NUBPL: variants seen among roughly 807,000 people sequenced by gnomAD.
The protein encoded by NUBPL is iron-sulfur cluster transfer protein NUBPL.
A neutral mutation model predicts 45.7 loss-of-function variants in NUBPL; 31 were observed. The observed-to-expected ratio is 0.68, with a 90% CI of 0.51 to 0.92. The LOEUF (loss-of-function observed/expected upper bound fraction) is 0.92, where lower values mean the gene tolerates loss of function less well. NUBPL is among the 40% of genes least tolerant of loss of function. The pLI, the probability that NUBPL is intolerant of heterozygous loss-of-function variation, is 0.00. For missense variants in NUBPL, 401 were observed against 398.7 expected, an observed-to-expected ratio of 1.01 and a Z score of -0.05; for synonymous variants, 144 against 140.9, an observed-to-expected ratio of 1.02 and a Z score of -0.15.
Position 31,815,188 on chromosome 14 carries a change from A to T in NUBPL, c.608-11441A>T, listed in dbSNP as rs191469194. On this transcript the variant is annotated intron_variant, in intron 7 of 10. Transcript: ENST00000281081. ...TCATGAACATGGAATTTTTTTTTCCATTTTTTTGTGTCCTCTCTTATTTTC... is the reference window on the plus strand; with the variant it reads ...TCATGAACATGGAATTTTTTTTTCCTTTTTTTTGTGTCCTCTCTTATTTTC... 2.7e-3 allele frequency among the ~76,000 whole-genome samples: 416 copies of T among 151,604 alleles called. 1 individual carries two copies. The highest frequency in any genetic ancestry group is 9.6e-3 in the African/African-American group (396 of 41,376).
chr14:31,673,314 T>A (rs1459132754), intron 4 of NUBPL, 41 bp from the exon 5 acceptor site: 1 of 1,509,672 alleles, frequency 6.6e-7, no homozygotes, highest in African/African-American at 1.5e-5. Context: ...TTATGTGTTG[T>A]GTTTTATTGT....
At chr14:31,835,094 A>G (rs1288542475) in intron 8 of NUBPL, among the ~76,000 whole-genome samples, 1 of 152,174 alleles carries the variant, frequency 6.6e-6, no homozygotes, top group African/African-American at 2.4e-5. Context: ...GTTGACAGTT[A>G]AGGAGGTATC....
chr14:31,844,493 A>G (rs1566594950), intron 8 of NUBPL: 2 of 152,190 alleles, frequency 1.3e-5, no homozygotes, highest in African/African-American at 2.4e-5. Context: ...AGCGTGATTT[A>G]TTTTTTGTGA....
At chr14:31,717,288 C>T (rs1338456853) in intron 6 of NUBPL, among the ~76,000 whole-genome samples, 2 of 152,202 alleles carry the variant, frequency 1.3e-5, no homozygotes, top group Non-Finnish European at 2.9e-5. Flanking sequence ...TCTTAACTAA[C>T]TCCATCTTAT....
chr14:31,785,436 G>A (rs1422069529), intron 6 of NUBPL, among the ~76,000 whole-genome samples: 1 of 152,092 alleles, frequency 6.6e-6, no homozygotes, highest in Non-Finnish European at 1.5e-5. Flanking sequence ...ATATGAGCAC[G>A]GACCCTATTG....
chr14:31,623,612 G>T (rs1299385245), intron 4 of NUBPL, among the ~76,000 whole-genome samples: 1 of 152,146 alleles, frequency 6.6e-6, no homozygotes. Context: ...CATGTAGGAC[G>T]TGCTTTGCTT....
chr14:31,651,469 G>A (rs867209983), intron 4 of NUBPL, among the ~76,000 whole-genome samples: 15 of 152,250 alleles, frequency 9.9e-5, no homozygotes, highest in Middle Eastern at 3.4e-3. Flanking sequence ...CTCAGGTATT[G>A]TGTAATACAC....
chr14:31,812,368 C>T (rs1381110197), intron 7 of NUBPL, among the ~76,000 whole-genome samples: 1 of 152,232 alleles, frequency 6.6e-6, no homozygotes, highest in Non-Finnish European at 1.5e-5. Flanking sequence ...CTCCCCCAGC[C>T]AGGCTTGCCT....
At chr14:31,645,888 C>T (rs1169177457) in intron 4 of NUBPL, among the ~76,000 whole-genome samples, 1 of 149,234 alleles carries the variant, frequency 6.7e-6, no homozygotes, top group East Asian at 2.0e-4. Flanking sequence ...TTTTAGACGT[C>T]ATGCTAAAGT....
chr14:31,834,659 T>C (rs1468676042), intron 8 of NUBPL, among the ~76,000 whole-genome samples: 1 of 152,178 alleles, frequency 6.6e-6, no homozygotes, highest in Non-Finnish European at 1.5e-5. Context: ...CTCTCAGAAG[T>C]CTATGTATGC....
chr14:31,772,618 TC>T lies in NUBPL; in HGVS notation c.514-15161del, dbSNP rs370933089. ...TTAAATATTAGTTCAGAAAATAGAT[TC>T]AGAATTACCAAAGATTGACCCATGT... is the stretch of plus-strand genomic sequence containing the variant. On this transcript the variant is annotated intron_variant, in intron 6 of 10. Coordinates refer to ENST00000281081, the MANE Select transcript of NUBPL (RefSeq NM_025152.3). Among the ~76,000 whole-genome samples the T allele has an allele frequency of 2.7e-3, 405 of 152,284 alleles. 2 individuals carry two copies. Among genetic ancestry groups the T allele is most frequent in the African/African-American group, 9.1e-3 (380 of 41,570 alleles).
At chr14:31,643,269 T>C (rs1031616374) in intron 4 of NUBPL, among the ~76,000 whole-genome samples, 1 of 152,168 alleles carries the variant, frequency 6.6e-6, no homozygotes, top group Non-Finnish European at 1.5e-5. Flanking sequence ...TTTTCTTTGT[T>C]CAACGTGATG....
chr14:31,641,075 C>A (rs913450375), intron 4 of NUBPL, among the ~76,000 whole-genome samples: 1 of 152,146 alleles, frequency 6.6e-6, no homozygotes, highest in African/African-American at 2.4e-5. Flanking sequence ...CCTCAGCCTC[C>A]CCTGTAGCTG....
At chr14:31,717,377 G>A (rs1209034976) in intron 6 of NUBPL, among the ~76,000 whole-genome samples, 1 of 152,110 alleles carries the variant, frequency 6.6e-6, no homozygotes, top group African/African-American at 2.4e-5. Flanking sequence ...AAGTGCTCTT[G>A]TGTTCTGCAG....
Position 31,565,061 on chromosome 14 carries a change from T to A in NUBPL, c.291+13T>A. ...AGCGAACGATTCGGTAGGTGTTTAT[T>A]AATAGAAATATTAATTTATTAAAAT... is the stretch of plus-strand genomic sequence containing the variant. On this transcript the variant is annotated intron_variant, in intron 3 of 10. Coordinates refer to ENST00000281081, the MANE Select transcript of NUBPL (RefSeq NM_025152.3). 6.8e-7 allele frequency: 1 copy of A among 1,470,230 alleles called. No individual in the cohort carries two copies. The highest frequency in any genetic ancestry group is 9.4e-7 in the Non-Finnish European group (1 of 1,061,534). 91.1% of individuals were successfully genotyped at this position (1,470,230 alleles called of 1,614,324 possible). A position where few individuals can be genotyped will look rare whatever the true frequency, so the allele number is the denominator to read the frequency against.
chr14:31,586,065 T>G (rs1301694974), intron 3 of NUBPL, among the ~76,000 whole-genome samples: 1 of 152,214 alleles, frequency 6.6e-6, no homozygotes, highest in African/African-American at 2.4e-5. Flanking sequence ...GTTGCAGGTT[T>G]TTTCCCCTTT....
Position 31,842,140 on chromosome 14 carries a change from A to G in NUBPL, c.694-4331A>G, listed in dbSNP as rs185348512. ...GAGATGGGGTTTCACCGTGTTAGCC[A>G]GGATGGTCTTGATCTGACCTCATGA... On this transcript the variant is annotated intron_variant, in intron 8 of 10. Coordinates refer to ENST00000281081, the MANE Select transcript of NUBPL (RefSeq NM_025152.3). Among the ~76,000 whole-genome samples the G allele has an allele frequency of 2.5e-4, 38 of 151,766 alleles. No homozygotes were observed. The East Asian group carries it at 6.8e-3, about 27-fold the overall frequency.
chr14:31,642,467 A>G (rs1383421496), intron 4 of NUBPL, among the ~76,000 whole-genome samples: 1 of 151,842 alleles, frequency 6.6e-6, no homozygotes, highest in African/African-American at 2.4e-5. Context: ...TGTTCTTGGG[A>G]TCTTTGTTGA....
At chr14:31,704,433 G>A (rs765387515) in intron 6 of NUBPL, among the ~76,000 whole-genome samples, 2 of 152,102 alleles carry the variant, frequency 1.3e-5, no homozygotes, top group Non-Finnish European at 2.9e-5. Context: ...GGAGGCCAAG[G>A]TGGGCAGATC....
Sources: gnomAD v4.1 joint callset for allele counts (sites outside exome capture counted in the v4.1 genomes callset) on GRCh38, gnomAD v4.1.1 for gene constraint, MANE v1.5 for transcripts, NCBI Gene and HGNC (gene_info 2026-07-23, HGNC 2026-07-21) for gene names.